Variants in TLL1 observed in about 807,000 individuals in gnomAD.
The protein encoded by TLL1 is tolloid like 1, also known as tolloid-like protein 1.
Under a neutral mutation model 128.2 loss-of-function variants are expected in TLL1, and 49 were observed. The observed-to-expected ratio is 0.38, with a 90% confidence interval of 0.30 to 0.48. TLL1 has a LOEUF of 0.48. TLL1 is among the 20% of genes least tolerant of loss of function. TLL1 has a pLI of 0.96. For missense variants in TLL1, 1,123 were observed against 1,242.0 expected, an observed-to-expected ratio of 0.90 and a Z score of 1.44; for synonymous variants, 454 against 418.8, an observed-to-expected ratio of 1.08 and a Z score of -1.03.
chr4:165,959,487 T>C (rs1734988031), intron 1 of TLL1, among the ~76,000 whole-genome samples: 1 of 151,974 alleles, frequency 6.6e-6, no homozygotes, highest in Non-Finnish European at 1.5e-5. Context: ...ACTTGGCCAG[T>C]TGCATCTAAT....
rs866223866 is a variant in TLL1, at chr4:166,078,230, A to G, written c.2442+200A>G. Among the ~76,000 whole-genome samples the G allele has an allele frequency of 5.3e-5, 8 of 152,174 alleles. No individual in the cohort carries two copies. The Middle Eastern group carries it at 0.01, about 194-fold the overall frequency. ...GGTGACTGCCACGTTGTTCTCCTCT[A>G]GGGTTTCTTATCCTGGATGTTTTAA... On this transcript the variant is annotated intron_variant, in intron 18 of 20. Transcript: ENST00000061240.
intron 5 of TLL1, among the ~76,000 whole-genome samples, chr4:165,997,805 GT>G (rs1736951379): frequency 1.3e-5 from 2 of 152,258 alleles, no homozygotes; most frequent in South Asian, 2.1e-4. Context: ...TATAAGTACA[GT>G]TTATGTATGA....
rs936019312 is a variant in TLL1 at position 166,060,102 on chromosome 4, A to G, written c.1921A>G (p.Asn641Asp). ...TPGWPKEYPPNKNCVWQVVAP... is the reference protein window; with the variant it reads ...TPGWPKEYPPDKNCVWQVVAP... ...TGGCTGGCCCAAGGAGTACCCTCCT[A>G]ATAAGAACTGTGTGTGGCAAGTGGT... Residue 641 changes from asparagine (N) to aspartate (D), a missense_variant, in exon 15 of 21, where the codon AAT becomes GAT. By Grantham distance (23) the Asn-to-Asp change is conservative. Around this residue, in one of 3 missense-constraint regions of TLL1, gnomAD observed 634 missense variants for 672.4 expected, o/e 0.94. Transcript: ENST00000061240. 1 of 1,613,698 alleles carries G rather than the reference A, an allele frequency of 6.2e-7. No homozygotes were observed. Among genetic ancestry groups the G allele is most frequent in the Non-Finnish European group, 8.5e-7 (1 of 1,179,900 alleles).
At chr4:165,989,152 T>G (rs986452839) in intron 1 of TLL1, among the ~76,000 whole-genome samples, 4 of 151,956 alleles carry the variant, frequency 2.6e-5, no homozygotes, top group African/African-American at 9.7e-5. Flanking sequence ...GAAACTACTT[T>G]CCCCCTCTCC....
intron 1 of TLL1, among the ~76,000 whole-genome samples, chr4:165,946,635 C>T (rs948905621): frequency 1.3e-5 from 2 of 151,790 alleles, no homozygotes; most frequent in South Asian, 2.1e-4. Context: ...CCATGGTGCC[C>T]GTAAAAATTT....
At chr4:166,053,757 G>A (rs1739869868) in intron 12 of TLL1, among the ~76,000 whole-genome samples, 1 of 152,098 alleles carries the variant, frequency 6.6e-6, no homozygotes, top group East Asian at 1.9e-4. Context: ...TAGTAACAGA[G>A]TTCCATAAAT....
chr4:166,080,181 C>T (rs1465267842), intron 18 of TLL1, among the ~76,000 whole-genome samples: 3 of 152,036 alleles, frequency 2.0e-5, no homozygotes, highest in African/African-American at 7.2e-5. Context: ...TGGCCTCCAC[C>T]TCACTGTATC....
At chr4:166,078,496 T>A (rs1363642167) in intron 18 of TLL1, among the ~76,000 whole-genome samples, 2 of 152,188 alleles carry the variant, frequency 1.3e-5, no homozygotes, top group Admixed American at 6.6e-5. Context: ...AGAATATTAT[T>A]TTTGCATGAT....
At chr4:165,887,568 G>A (rs1320266328) in intron 1 of TLL1, among the ~76,000 whole-genome samples, 1 of 152,158 alleles carries the variant, frequency 6.6e-6, no homozygotes, top group African/African-American at 2.4e-5. Context: ...ATTTGGTTTT[G>A]AGAACCCTTT....
At chr4:165,901,925 T>A (rs1053348792) in intron 1 of TLL1, among the ~76,000 whole-genome samples, 2 of 152,182 alleles carry the variant, frequency 1.3e-5, no homozygotes, top group Non-Finnish European at 2.9e-5. Flanking sequence ...GCTGGCTTTC[T>A]TTCAGAGATG....
At chr4:165,961,032 G>A (rs923533305) in intron 1 of TLL1, among the ~76,000 whole-genome samples, 11 of 151,996 alleles carry the variant, frequency 7.2e-5, no homozygotes, top group African/African-American at 2.7e-4. Flanking sequence ...GTGAAGTTAT[G>A]TCTCTTCACT....
intron 8 of TLL1, among the ~76,000 whole-genome samples, chr4:166,015,061 C>T (rs1431381983): frequency 1.3e-5 from 2 of 151,920 alleles, no homozygotes; most frequent in Non-Finnish European, 2.9e-5. Context: ...GTGAACTACT[C>T]TATGTTTTGC....
intron 1 of TLL1, among the ~76,000 whole-genome samples, chr4:165,988,981 T>G (rs1736511350): frequency 6.6e-6 from 1 of 152,162 alleles, no homozygotes; most frequent in African/African-American, 2.4e-5. Context: ...TAGTTGTTAC[T>G]GCTTTTCCTT....
chr4:165,928,106 C>T (rs528113943), intron 1 of TLL1, among the ~76,000 whole-genome samples: 1 of 152,260 alleles, frequency 6.6e-6, no homozygotes, highest in African/African-American at 2.4e-5. Context: ...TAACCTTGGG[C>T]ATGTCACTTA....
intron 4 of TLL1, 91 bp from the exon 5 acceptor site, chr4:165,994,970 A>G (rs140396553): frequency 9.9e-7 from 1 of 1,009,902 alleles, no homozygotes; most frequent in Non-Finnish European, 1.5e-6. Flanking sequence ...GGCATTCTGC[A>G]CTGCTCAGCC....
rs200217590 is a variant in TLL1, at chr4:165,992,922, T to A, written c.361+38T>A. 159 of 1,507,744 alleles carry A rather than the reference T, an allele frequency of 1.1e-4. No individual in the cohort carries two copies. The South Asian group carries it at 1.7e-3, about 16-fold the overall frequency. 93.4% of individuals were successfully genotyped at this position (1,507,744 alleles called of 1,614,324 possible). A position where few individuals can be genotyped will look rare whatever the true frequency, so the allele number is the denominator to read the frequency against. ...TTAAAGTTGCAGACGCTTGACTTGA[T>A]GTACAGTAAATATTATACTCATAGC... On this transcript the variant is annotated intron_variant, in intron 3 of 20. Coordinates refer to ENST00000061240, the MANE Select transcript of TLL1 (RefSeq NM_012464.5).
chr4:165,907,339 AT>A (rs1267350350), intron 1 of TLL1, among the ~76,000 whole-genome samples: 2 of 152,126 alleles, frequency 1.3e-5, no homozygotes, highest in East Asian at 1.9e-4. Context: ...TTGAATCCAA[AT>A]AGCCTGTTCA....
intron 1 of TLL1, among the ~76,000 whole-genome samples, chr4:165,975,031 C>G (rs1735809918): frequency 6.6e-6 from 1 of 152,134 alleles, no homozygotes; most frequent in Admixed American, 6.5e-5. Context: ...TTAGACAAAT[C>G]TGAAACCCTG....
intron 1 of TLL1, among the ~76,000 whole-genome samples, chr4:165,936,844 A>C (rs1733785895): frequency 6.6e-6 from 1 of 152,114 alleles, no homozygotes; most frequent in Non-Finnish European, 1.5e-5. Flanking sequence ...GAAGCAGGAG[A>C]ATAGCTTGAA....
Sources: allele counts gnomAD v4.1 joint callset (sites outside exome capture counted in the v4.1 genomes callset), GRCh38; gene constraint gnomAD v4.1.1; regional missense constraint gnomAD v4.1.1; transcripts MANE v1.5; gene names NCBI Gene and HGNC (gene_info 2026-07-23, HGNC 2026-07-21).